The following PCDH19 variants were observed in gnomAD, a reference collection of about 807,000 sequenced individuals.
PCDH19 encodes the protein protocadherin-19.
PCDH19 carries 6 observed loss-of-function variants against 46.2 expected under a neutral mutation model. The ratio of observed to expected loss-of-function variants is 0.13; its 90% CI spans 0.07 to 0.26. PCDH19 has a LOEUF of 0.26. Ranked by LOEUF, PCDH19 falls within the 10% of genes least tolerant of loss-of-function variation. The pLI is 1.00. For synonymous variants in PCDH19, 481 were observed against 415.7 expected, an observed-to-expected ratio of 1.16 and a Z score of -1.91; for missense variants, 740 against 972.3, an observed-to-expected ratio of 0.76 and a Z score of 3.18.
intron 4 of PCDH19, among the ~76,000 whole-genome samples, chrX:100,344,321 T>C (rs1244911252): frequency 8.9e-6 from 1 of 112,245 alleles, no homozygotes; most frequent in African/African-American, 3.2e-5. Context: ...TTTATGGCCA[T>C]GATGGCCAAT....
intron 1 of PCDH19, among the ~76,000 whole-genome samples, chrX:100,405,336 AC>A (rs1412996509): frequency 1.8e-5 from 2 of 111,806 alleles, no homozygotes; most frequent in Non-Finnish European, 3.8e-5. Flanking sequence ...TAAAGAAACA[AC>A]TTTTTTCAAC....
intron 3 of PCDH19, among the ~76,000 whole-genome samples, chrX:100,354,628 C>T (rs113509297): frequency 9.7e-4 from 109 of 111,895 alleles, no homozygotes; most frequent in African/African-American, 3.3e-3. Flanking sequence ...CTGCCAAGGT[C>T]ATCTCAATAT....
At chrX:100,396,165 T>C (rs1602628545) in intron 3 of PCDH19, among the ~76,000 whole-genome samples, 1 of 111,991 alleles carries the variant, frequency 8.9e-6, no homozygotes, top group East Asian at 2.8e-4. Context: ...GGGGCCAACA[T>C]CTGAAACTCG....
At chrX:100,363,615 TTATA>T (rs60968315) in intron 3 of PCDH19, among the ~76,000 whole-genome samples, 8,384 of 89,478 alleles carry the variant, frequency 0.094, 596 homozygotes, top group East Asian at 0.24. Context: ...ATGGGAAGTT[TTATA>T]TATATATATA....
At chrX:100,370,993 A>G (rs752532684) in intron 3 of PCDH19, among the ~76,000 whole-genome samples, 40 of 98,406 alleles carry the variant, frequency 4.1e-4, no homozygotes, top group African/African-American at 1.1e-3. Flanking sequence ...GTGTGTGTGC[A>G]TGTGTGTGTG....
Position 100,341,928 on chromosome X carries a change from G to A in PCDH19, c.2823C>T (p.Ser941=), listed in dbSNP as rs759233979. 8 of 1,208,555 alleles carry A rather than the reference G, an allele frequency of 6.6e-6. 1 individual carries two copies. The East Asian group carries it at 1.8e-4, about 27-fold the overall frequency. The change falls in exon 5 of 6, where the codon TCC becomes TCT. Residue 941 remains serine (S), a synonymous_variant. Coordinates refer to ENST00000373034, the MANE Select transcript of PCDH19 (RefSeq NM_001184880.2). ...VNDVLNTSVT[S]MGSQMPDHDQ... is the part of the protein sequence containing the mutation. ...CATGATCAGGCATCTGAGATCCCAT[G>A]GAGGTCACACTGGTGTTCAGCACAT...
chrX:100,322,867 T>TATATA (rs1569291909), intron 5 of PCDH19, among the ~76,000 whole-genome samples: 8 of 38,425 alleles, frequency 2.1e-4, no homozygotes, highest in East Asian at 2.0e-3. Flanking sequence ...ATATATATAT[T>TATATA]TTTGCAGCTA....
intron 3 of PCDH19, among the ~76,000 whole-genome samples, chrX:100,387,098 C>T (rs1384699395): frequency 1.8e-5 from 2 of 110,668 alleles, no homozygotes; most frequent in Non-Finnish European, 3.8e-5. Context: ...CTAAGTAGTT[C>T]TGATGTCTAT....
intron 5 of PCDH19, among the ~76,000 whole-genome samples, chrX:100,319,700 T>A (rs1014442590): frequency 2.7e-5 from 3 of 112,164 alleles, no homozygotes; most frequent in South Asian, 7.5e-4. Context: ...ATTCTGGCCA[T>A]GGGATTTGGT....
chrX:100,407,098 C>A lies in PCDH19; in HGVS notation c.1500G>T (p.Met500Ile). Reference protein sequence around the residue: ...YQIVPSQVRDMPVFTYVSINP... With the variant: ...YQIVPSQVRDIPVFTYVSINP... ...TGATGGAGACATAGGTGAAGACAGG[C>A]ATGTCCCGCACCTGCGACGGCACGA... The change falls in exon 1 of 6, where the codon ATG (methionine) becomes ATT (isoleucine). Residue 500 changes from methionine (M) to isoleucine (I), a missense_variant. Around this residue, in one of 5 missense-constraint regions of PCDH19, gnomAD observed 186 missense variants for 319.9 expected, o/e 0.58. Coordinates refer to ENST00000373034, the MANE Select transcript of PCDH19 (RefSeq NM_001184880.2). The A allele has an allele frequency of 8.3e-7, 1 of 1,211,989 alleles. No homozygotes were observed. The highest frequency in any genetic ancestry group is 3.0e-5 in the East Asian group (1 of 33,830).
At chrX:100,406,025 C>T (rs1928334840) in intron 1 of PCDH19, among the ~76,000 whole-genome samples, 1 of 110,862 alleles carries the variant, frequency 9.0e-6, no homozygotes, top group Admixed American at 9.6e-5. Flanking sequence ...GCTGCCAACA[C>T]TCCCTCTCCT....
chrX:100,322,865 A>ATATATATATATATATTTTTTTTTTT, intron 5 of PCDH19, among the ~76,000 whole-genome samples: 8 of 54,396 alleles, frequency 1.5e-4, no homozygotes, highest in African/African-American at 3.4e-4. Flanking sequence ...ATATATATAT[A>ATATATATATATATATTTTTTTTTTT]TTTTTGCAGC....
At chrX:100,313,857 TCACACACACACA>T (rs3222341) in intron 5 of PCDH19, among the ~76,000 whole-genome samples, 14 of 76,295 alleles carry the variant, frequency 1.8e-4, no homozygotes, top group African/African-American at 4.1e-4. Flanking sequence ...CTGCTGTTAA[TCACACACACACA>T]CACACACACA....
rs571777257 is a variant in PCDH19, at chrX:100,371,970, C to T, written c.2617-21266G>A. ...AAGAAATGGAGGCCAGGCACAGTGGCTCACACCTGTAATCCCAGCACACTG... is the reference window on the plus strand; with the variant it reads ...AAGAAATGGAGGCCAGGCACAGTGGTTCACACCTGTAATCCCAGCACACTG... On this transcript the variant is annotated intron_variant, in intron 3 of 5. Coordinates refer to ENST00000373034, the MANE Select transcript of PCDH19 (RefSeq NM_001184880.2). Among the ~76,000 whole-genome samples the T allele has an allele frequency of 2.8e-4, 31 of 111,869 alleles. No homozygotes were observed. The East Asian group carries it at 7.9e-3, about 29-fold the overall frequency.
rs759823302 is a variant in PCDH19, at chrX:100,384,999, A to G, written c.2616+17525T>C. On this transcript the variant is annotated intron_variant, in intron 3 of 5. Coordinates refer to ENST00000373034, the MANE Select transcript of PCDH19 (RefSeq NM_001184880.2). ...CAGGGTGAAAACCTGTCTCTACTAAAAATACAAAAATTAGCCAGGCGTTGT... is the reference window on the plus strand; with the variant it reads ...CAGGGTGAAAACCTGTCTCTACTAAGAATACAAAAATTAGCCAGGCGTTGT... Among the ~76,000 whole-genome samples, 107 of 109,779 alleles carry G rather than the reference A, an allele frequency of 9.7e-4. 1 individual carries two copies. Among genetic ancestry groups the G allele is most frequent in the African/African-American group, 3.4e-3 (101 of 30,112 alleles).
chrX:100,386,253 A>T (rs1427615146), intron 3 of PCDH19, among the ~76,000 whole-genome samples: 1 of 109,859 alleles, frequency 9.1e-6, no homozygotes, highest in Non-Finnish European at 1.9e-5. Flanking sequence ...AGGGTACCTC[A>T]AGGCCTTTTG....
chrX:100,399,623 G>C (rs780983988), intron 3 of PCDH19, among the ~76,000 whole-genome samples: 1 of 110,965 alleles, frequency 9.0e-6, no homozygotes, highest in Non-Finnish European at 1.9e-5. Flanking sequence ...TTTTCCCTAC[G>C]CAGGGCATTG....
intron 3 of PCDH19, among the ~76,000 whole-genome samples, chrX:100,356,776 C>T (rs112568124): frequency 3.0e-5 from 3 of 99,207 alleles, no homozygotes; most frequent in African/African-American, 1.0e-4. Context: ...CTCTCTCTCA[C>T]ACACACACAC....
intron 5 of PCDH19, among the ~76,000 whole-genome samples, chrX:100,302,243 T>C (rs893869893): frequency 9.0e-6 from 1 of 111,608 alleles, no homozygotes; most frequent in Non-Finnish European, 1.9e-5. Flanking sequence ...AATAAATATC[T>C]CTTATTTAAG....
Sources: allele counts gnomAD v4.1 joint callset (sites outside exome capture counted in the v4.1 genomes callset), GRCh38; gene constraint gnomAD v4.1.1; regional missense constraint gnomAD v4.1.1; transcripts MANE v1.5; gene names NCBI Gene and HGNC (gene_info 2026-07-23, HGNC 2026-07-21).